The following EEF1E1 variants were observed in gnomAD, a reference collection of about 807,000 sequenced individuals.
EEF1E1 encodes the protein eukaryotic translation elongation factor 1 epsilon 1.
EEF1E1 carries 19 observed loss-of-function variants against 19.9 expected under a neutral mutation model. The observed-to-expected ratio is 0.95, with a 90% CI of 0.66 to 1.40. The LOEUF (loss-of-function observed/expected upper bound fraction) is 1.40, where lower values mean the gene tolerates loss of function less well. Ranked by LOEUF, EEF1E1 falls within the 40% of genes most tolerant of loss-of-function variation. EEF1E1 has a pLI of 0.00. For synonymous variants in EEF1E1, 81 were observed against 80.0 expected, an observed-to-expected ratio of 1.01 and a Z score of -0.07; for missense variants, 198 against 202.2, an observed-to-expected ratio of 0.98 and a Z score of 0.13.
chr6:8,082,071 T>C (rs974614231), intron 3 of EEF1E1, among the ~76,000 whole-genome samples: 1 of 152,244 alleles, frequency 6.6e-6, no homozygotes, highest in Non-Finnish European at 1.5e-5. Flanking sequence ...TTGGTGTCAC[T>C]GAGGACTAGT....
At chr6:8,093,266 TTTCACAC>T (rs1758070638) in intron 2 of EEF1E1, among the ~76,000 whole-genome samples, 4 of 151,694 alleles carry the variant, frequency 2.6e-5, no homozygotes, top group Non-Finnish European at 5.9e-5. Context: ...AAAGACAGAG[TTTCACAC>T]ACATTCAAAA....
chr6:8,101,237 AAAAAAAATATATATATATATATAT>A (rs1346282906), intron 1 of EEF1E1, among the ~76,000 whole-genome samples: 2 of 73,256 alleles, frequency 2.7e-5, no homozygotes, highest in Non-Finnish European at 5.1e-5. Flanking sequence ...AAAAAAAAAA[AAAAAAAATATATATATATATATAT>A]ATATATATAT....
downstream of EEF1E1, among the ~76,000 whole-genome samples, chr6:8,078,175 C>T (rs1254286293): frequency 6.6e-6 from 1 of 152,192 alleles, no homozygotes; most frequent in African/African-American, 2.4e-5. Context: ...GACATGCATT[C>T]CTCAAGAAGC....
chr6:8,088,641 T>A (rs937864246), intron 3 of EEF1E1, among the ~76,000 whole-genome samples: 1 of 152,216 alleles, frequency 6.6e-6, no homozygotes, highest in Admixed American at 6.5e-5. Context: ...GTTAAGTCCA[T>A]TAAACCCTTT....
chr6:8,083,137 T>C (rs1412982457), intron 3 of EEF1E1, among the ~76,000 whole-genome samples: 1 of 152,224 alleles, frequency 6.6e-6, no homozygotes, highest in African/African-American at 2.4e-5. Flanking sequence ...GACTTTGAAC[T>C]TTAAAGCCAA....
intron 2 of EEF1E1, among the ~76,000 whole-genome samples, chr6:8,094,162 A>G (rs1385860437): frequency 6.6e-6 from 1 of 152,212 alleles, no homozygotes; most frequent in African/African-American, 2.4e-5. Flanking sequence ...AAGGAGAAAG[A>G]GGTAATACCA....
intron 3 of EEF1E1, among the ~76,000 whole-genome samples, chr6:8,084,919 G>A (rs1463549406): frequency 1.3e-5 from 2 of 152,090 alleles, no homozygotes; most frequent in Non-Finnish European, 2.9e-5. Flanking sequence ...TACCTTGCAG[G>A]CTTTTTTTGT....
At chr6:8,101,542 A>G (rs972738809) in intron 1 of EEF1E1, among the ~76,000 whole-genome samples, 2 of 151,690 alleles carry the variant, frequency 1.3e-5, no homozygotes, top group African/African-American at 2.4e-5. Flanking sequence ...TAAAAACTAT[A>G]CTACTACTTT....
chr6:8,102,484 G>T lies in EEF1E1; in HGVS notation c.38C>A (p.Ser13Tyr), dbSNP rs566747154. The stretch of plus-strand genomic sequence containing the variant: ...TTTATTCCCCTTACTCAGTCCCAGG[G>T]ACTTCTCCAGTAGCGACAACTCTGC... ...AAAELSLLEKSLGLSKGNKYS... is the reference protein window; with the variant it reads ...AAAELSLLEKYLGLSKGNKYS... The change falls in exon 1 of 4, where the codon TCC becomes TAC. Residue 13 changes from serine to tyrosine, a missense_variant. Physicochemically the swap from Ser to Tyr is moderately radical, Grantham distance 144. Transcript: ENST00000379715. The T allele has an allele frequency of 3.7e-5, 59 of 1,612,188 alleles. No individual in the cohort carries two copies. The highest frequency in any genetic ancestry group is 5.0e-5 in the Non-Finnish European group (59 of 1,179,994).
intron 2 of EEF1E1, among the ~76,000 whole-genome samples, chr6:8,092,399 T>C (rs1176302648): frequency 6.6e-6 from 1 of 152,202 alleles, no homozygotes; most frequent in African/African-American, 2.4e-5. Flanking sequence ...ATGAAGATAA[T>C]GATGAAGACC....
At chr6:8,076,491 T>A (rs1359316871), downstream of EEF1E1, among the ~76,000 whole-genome samples, 2 of 151,220 alleles carry the variant, frequency 1.3e-5, no homozygotes, top group Non-Finnish European at 2.9e-5. Context: ...GCCCGGCTAA[T>A]TTTTTGTATT....
At chr6:8,096,911 G>A (rs1452189771) in intron 2 of EEF1E1, among the ~76,000 whole-genome samples, 2 of 151,942 alleles carry the variant, frequency 1.3e-5, no homozygotes, top group East Asian at 1.9e-4. Context: ...TTAGAGAATC[G>A]GGATTGTCGA....
At chr6:8,089,688 T>C (rs1262002409) in intron 3 of EEF1E1, among the ~76,000 whole-genome samples, 1 of 152,212 alleles carries the variant, frequency 6.6e-6, no homozygotes, top group Non-Finnish European at 1.5e-5. Context: ...CCAGGATTAA[T>C]ACTTTGCGTC....
intron 3 of EEF1E1, among the ~76,000 whole-genome samples, chr6:8,085,837 A>G (rs1052885472): frequency 2.0e-5 from 3 of 152,252 alleles, no homozygotes; most frequent in African/African-American, 4.8e-5. Context: ...TCATGCATTA[A>G]TAACATAATA....
At chr6:8,101,949 A>C in intron 1 of EEF1E1, 11 of 1,253,252 alleles carry the variant, frequency 8.8e-6, no homozygotes, top group Non-Finnish European at 1.1e-5. Context: ...ACCTGGCCAA[A>C]AAGCAAGCTG....
chr6:8,083,125 A>G (rs1376933857), intron 3 of EEF1E1, among the ~76,000 whole-genome samples: 1 of 152,156 alleles, frequency 6.6e-6, no homozygotes, highest in African/African-American at 2.4e-5. Context: ...GCACTCTATC[A>G]TGACTTTGAA....
intron 2 of EEF1E1, chr6:8,095,499 T>C (rs566900203): frequency 1.0e-4 from 21 of 202,128 alleles, no homozygotes; most frequent in Non-Finnish European, 2.1e-4. Context: ...TGAGAACCTG[T>C]GACAAAAAAA....
downstream of EEF1E1, among the ~76,000 whole-genome samples, chr6:8,076,952 T>TTTG (rs1757608012): frequency 7.4e-6 from 1 of 134,370 alleles, no homozygotes; most frequent in African/African-American, 2.9e-5. Context: ...TTTTTGTTTT[T>TTTG]TTTTTTTTGA....
Position 8,099,747 on chromosome 6 carries a change from C to CAA in EEF1E1, c.88-2282_88-2281dup, listed in dbSNP as rs199818821. On this transcript the variant is annotated intron_variant, in intron 1 of 3. Coordinates refer to ENST00000379715, the MANE Select transcript of EEF1E1 (RefSeq NM_004280.5). The stretch of plus-strand genomic sequence containing the variant: ...GGGCAACAAGAGTGAAGCTCCGCCT[C>CAA]AAAAACACACACACACACACACACA... Among the ~76,000 whole-genome samples the CAA allele has an allele frequency of 3.4e-4, 30 of 87,026 alleles. 1 individual carries two copies. The highest frequency in any genetic ancestry group is 1.1e-3 in the African/African-American group (24 of 21,554). 57.1% of individuals were successfully genotyped at this position (87,026 alleles called of 152,430 possible).
Sources: gnomAD v4.1 joint callset for allele counts (sites outside exome capture counted in the v4.1 genomes callset) on GRCh38, gnomAD v4.1.1 for gene constraint, MANE v1.5 for transcripts, NCBI Gene and HGNC (gene_info 2026-07-23, HGNC 2026-07-21) for gene names.